The following LHX4 variants were observed in gnomAD, a reference collection of about 807,000 sequenced individuals.
LHX4 encodes LIM/homeobox protein Lhx4.
A neutral mutation model predicts 39.2 loss-of-function variants in LHX4; 16 were observed. The ratio of observed to expected loss-of-function variants is 0.41; its 90% CI spans 0.28 to 0.62. The LOEUF (loss-of-function observed/expected upper bound fraction) is 0.62, where lower values mean the gene tolerates loss of function less well. Ranked by LOEUF, LHX4 falls within the 20% of genes least tolerant of loss-of-function variation. The probability of loss-of-function intolerance (pLI) is 0.33; values close to 1 mark genes in which losing one functional copy is unlikely to be tolerated. For missense variants in LHX4, 439 were observed against 511.9 expected (o/e 0.86, Z 1.37); for synonymous variants, 206 against 198.1 (o/e 1.04, Z -0.33).
chr1:180,241,921 G>C (rs372845987), intron 1 of LHX4, among the ~76,000 whole-genome samples: 1 of 151,820 alleles, frequency 6.6e-6, no homozygotes, highest in African/African-American at 2.4e-5. Context: ...GGGCTCAAGC[G>C]ATCCTCTTGC....
In LHX4 at chr1:180,275,490, G is replaced by A. The variant is rs1452476794; in HGVS notation, c.*911G>A. 4 of 152,248 alleles carry A rather than the reference G, an allele frequency of 2.6e-5. No individual in the cohort carries two copies. The highest frequency in any genetic ancestry group is 9.6e-5 in the African/African-American group (4 of 41,466). The allele number at this position is 152,248 out of a possible 1,614,324, so 9.4% of individuals were successfully genotyped here. On this transcript the variant is annotated 3_prime_UTR_variant, in exon 6 of 6. Coordinates refer to ENST00000263726, the MANE Select transcript of LHX4 (RefSeq NM_033343.4). ...CATTTGGATTCCAAACCTGCAGTCT[G>A]TTCAGCCATATCGGCTGATGCCAGT... is the stretch of plus-strand genomic sequence containing the variant.
intron 1 of LHX4, among the ~76,000 whole-genome samples, chr1:180,239,002 C>T (rs1424159918): frequency 3.9e-5 from 6 of 152,118 alleles, no homozygotes; most frequent in Admixed American, 6.6e-5. Context: ...TTATCATCAG[C>T]GGTGATGGTG....
In LHX4 at chr1:180,278,790, G is replaced by GTT. The variant is rs1649197415; in HGVS notation, c.*4212_*4213dup. 2.0e-5 allele frequency: 3 copies of GTT among 150,532 alleles called. No homozygotes were observed. Among genetic ancestry groups the GTT allele is most frequent in the Admixed American group, 1.3e-4 (2 of 15,160 alleles). 9.3% of individuals were successfully genotyped at this position (150,532 alleles called of 1,614,324 possible). On this transcript the variant is annotated 3_prime_UTR_variant, in exon 6 of 6. Transcript: ENST00000263726. ...TCCTTCACAATGTAAATTTTGTACA[G>GTT]TTAAAGAGAAATGAAGTCTCGTTTC... is the stretch of plus-strand genomic sequence containing the variant.
chr1:180,256,605 C>T (rs1647866757), intron 2 of LHX4, among the ~76,000 whole-genome samples: 1 of 152,182 alleles, frequency 6.6e-6, no homozygotes, highest in Non-Finnish European at 1.5e-5. Context: ...CCTGCAGATG[C>T]CCAGGTGGGC....
Position 180,256,048 on chromosome 1 carries a change from A to G in LHX4, c.248+7592A>G, listed in dbSNP as rs559357048. Among the ~76,000 whole-genome samples, 260 of 151,780 alleles carry G rather than the reference A, an allele frequency of 1.7e-3. 1 individual carries two copies. Among genetic ancestry groups the G allele is most frequent in the African/African-American group, 6.1e-3 (253 of 41,372 alleles). Reference sequence around the variant, plus strand: ...TGCTGAAGATCGGTTTCCTCTCCTCACCCCTACCCTGGCCATTCAGGTGCC... The same window carrying G: ...TGCTGAAGATCGGTTTCCTCTCCTCGCCCCTACCCTGGCCATTCAGGTGCC... On this transcript the variant is annotated intron_variant, in intron 2 of 5. Coordinates refer to ENST00000263726, the MANE Select transcript of LHX4 (RefSeq NM_033343.4).
chr1:180,273,959 G>T, intron 5 of LHX4: 1 of 580,824 alleles, frequency 1.7e-6, no homozygotes, highest in South Asian at 2.0e-5. Flanking sequence ...CATCCTTCTG[G>T]GACCTGGGAA....
In LHX4 at chr1:180,234,294, C is replaced by A. The variant is rs927723783; in HGVS notation, c.76+3689C>A. ...TAGGCACCATAGACCTCCCTCCCTG[C>A]GTCGCGAGAATATATTCTCAGGCAG... On this transcript the variant is annotated intron_variant, in intron 1 of 5. Coordinates refer to ENST00000263726, the MANE Select transcript of LHX4 (RefSeq NM_033343.4). The surrounding 1 kb of genome is among the most constrained non-coding windows in gnomAD (Gnocchi z 4.8). Among the ~76,000 whole-genome samples, 25 of 149,040 alleles carry A rather than the reference C, an allele frequency of 1.7e-4. No individual in the cohort carries two copies. The highest frequency in any genetic ancestry group is 6.2e-4 in the African/African-American group (25 of 40,566).
rs2149271942 is a variant in LHX4 at position 180,278,405 on chromosome 1, G to A, written c.*3826G>A. On this transcript the variant is annotated 3_prime_UTR_variant, in exon 6 of 6. Transcript: ENST00000263726. ...AGTTGCTCCAACTGTTCTAAACAGT[G>A]AGTGACTGGAGCCAAAAAGAGAGAG... is the stretch of plus-strand genomic sequence containing the variant. The A allele has an allele frequency of 6.6e-6, 1 of 152,176 alleles. No individual in the cohort carries two copies. Among genetic ancestry groups the A allele is most frequent in the Non-Finnish European group, 1.5e-5 (1 of 68,026 alleles). The allele number at this position is 152,176 out of a possible 1,614,324, so 9.4% of individuals were successfully genotyped here. A position where few individuals can be genotyped will look rare whatever the true frequency, so the allele number is the denominator to read the frequency against.
At chr1:180,263,777 GC>G (rs1235323295) in intron 2 of LHX4, among the ~76,000 whole-genome samples, 1 of 152,140 alleles carries the variant, frequency 6.6e-6, no homozygotes, top group Non-Finnish European at 1.5e-5. Context: ...GTGACTGAAA[GC>G]CCCCTGCCTG....
chr1:180,274,027 T>G, intron 5 of LHX4, 158 bp from the exon 6 acceptor site: 1 of 827,544 alleles, frequency 1.2e-6, no homozygotes. Context: ...CCTCTGGATA[T>G]CAGGCTGCCA....
rs573620688 is a variant in LHX4 at position 180,275,212 on chromosome 1, T to C, written c.*633T>C. On this transcript the variant is annotated 3_prime_UTR_variant, in exon 6 of 6. Transcript: ENST00000263726. The stretch of plus-strand genomic sequence containing the variant: ...CAAACCAGAGAATATGAACCTGTTT[T>C]GGTTTTTAAGTGTCCCATCTATATC... The C allele has an allele frequency of 3.9e-5, 6 of 152,366 alleles. No individual in the cohort carries two copies. The highest frequency in any genetic ancestry group is 1.4e-4 in the African/African-American group (6 of 41,576). 9.4% of individuals were successfully genotyped at this position (152,366 alleles called of 1,614,324 possible).
rs1558207230 is a variant in LHX4, at chr1:180,234,208, TATATATATATATA to T, written c.76+3607_76+3619del. Among the ~76,000 whole-genome samples the T allele has an allele frequency of 1.1e-3, 68 of 61,872 alleles. 1 individual carries two copies. Among genetic ancestry groups the T allele is most frequent in the African/African-American group, 5.1e-3 (67 of 13,030 alleles). 40.6% of individuals were successfully genotyped at this position (61,872 alleles called of 152,430 possible). On this transcript the variant is annotated intron_variant, in intron 1 of 5. Transcript: ENST00000263726. This position sits in a 1 kb window ranked among gnomAD's most constrained non-coding sequence, Gnocchi z 4.8. ...ATATATATATATATATATATATATA[TATATATATATATA>T]ATAGATTGAGATTCTATCATATTCC...
chr1:180,266,034 G>A lies in LHX4; in HGVS notation c.249-358G>A, dbSNP rs538526087. Among the ~76,000 whole-genome samples, 3 of 152,324 alleles carry A rather than the reference G, an allele frequency of 2.0e-5. No homozygotes were observed. Among genetic ancestry groups the A allele is most frequent in the South Asian group, 2.1e-4 (1 of 4,828 alleles). On this transcript the variant is annotated intron_variant, in intron 2 of 5. Coordinates refer to ENST00000263726, the MANE Select transcript of LHX4 (RefSeq NM_033343.4). This position sits in a 1 kb window ranked among gnomAD's most constrained non-coding sequence, Gnocchi z 5.7. ...GATCAACCATAAGGGTGAGGAAGCTGGGAGGTGGAGGGGGAGACAGCCTGC... is the reference window on the plus strand; with the variant it reads ...GATCAACCATAAGGGTGAGGAAGCTAGGAGGTGGAGGGGGAGACAGCCTGC...
At position 180,248,424 on chromosome 1, in the gene LHX4, T is replaced by C. The variant is rs374428382; in HGVS notation, c.216T>C (p.Ala72=). 5.0e-6 allele frequency: 8 copies of C among 1,614,102 alleles called. No homozygotes were observed. The highest frequency in any genetic ancestry group is 1.3e-5 in the African/African-American group (1 of 74,948). ...MQLADRCFSR[A]GSVYCKEDFF... The stretch of plus-strand genomic sequence containing the variant: ...TGGCGGACAGGTGCTTCTCCAGGGC[T>C]GGGAGCGTCTACTGCAAGGAGGACT... Residue 72 remains alanine, a synonymous_variant, in exon 2 of 6, where the codon GCT becomes GCC. Transcript: ENST00000263726.
chr1:180,252,175 A>G (rs955609997), intron 2 of LHX4, among the ~76,000 whole-genome samples: 4 of 152,128 alleles, frequency 2.6e-5, no homozygotes, highest in Non-Finnish European at 5.9e-5. Context: ...ATCTCATTAG[A>G]TGTCACCAGG....
At position 180,278,353 on chromosome 1, in the gene LHX4, G is replaced by C. The variant is rs1649167307; in HGVS notation, c.*3774G>C. 1 of 151,908 alleles carries C rather than the reference G, an allele frequency of 6.6e-6. No homozygotes were observed. The highest frequency in any genetic ancestry group is 2.4e-5 in the African/African-American group (1 of 41,302). The allele number at this position is 151,908 out of a possible 1,614,324, so 9.4% of individuals were successfully genotyped here. A position where few individuals can be genotyped will look rare whatever the true frequency, so the allele number is the denominator to read the frequency against. Reference sequence around the variant, plus strand: ...ACATCACTGGCTCTCTTCTTTCTTGGATTGGTCAATTGGCCCTTTTTGCAG... The same window carrying C: ...ACATCACTGGCTCTCTTCTTTCTTGCATTGGTCAATTGGCCCTTTTTGCAG... On this transcript the variant is annotated 3_prime_UTR_variant, in exon 6 of 6. Transcript: ENST00000263726.
intron 2 of LHX4, among the ~76,000 whole-genome samples, chr1:180,263,003 A>C (rs1384699250): frequency 6.6e-6 from 1 of 152,236 alleles, no homozygotes; most frequent in African/African-American, 2.4e-5. Flanking sequence ...CCTGGCTAGC[A>C]GGACTGGGCA....
At chr1:180,229,723 G>A (rs939327886), upstream of LHX4, among the ~76,000 whole-genome samples, 54 of 151,910 alleles carry the variant, frequency 3.6e-4, no homozygotes, top group African/African-American at 1.2e-3. Flanking sequence ...CAGCGACGCA[G>A]CCCCGTCCCC....
intron 1 of LHX4, among the ~76,000 whole-genome samples, chr1:180,239,088 G>A (rs1664392396): frequency 6.6e-6 from 1 of 152,242 alleles, no homozygotes; most frequent in Non-Finnish European, 1.5e-5. Flanking sequence ...TAATTTTAAT[G>A]TAACTATACC....
Sources: allele counts gnomAD v4.1 joint callset (sites outside exome capture counted in the v4.1 genomes callset), GRCh38; gene constraint gnomAD v4.1.1; non-coding constraint Gnocchi (gnomAD v3.1); transcripts MANE v1.5; gene names NCBI Gene and HGNC (gene_info 2026-07-23, HGNC 2026-07-21).